The following ZC3H13 variants were observed in gnomAD, a reference collection of about 807,000 sequenced individuals.
ZC3H13 encodes the protein zinc finger CCCH domain-containing protein 13.
ZC3H13 carries 64 observed loss-of-function variants against 204.1 expected under a neutral mutation model. That is an observed-to-expected ratio of 0.31 (90% CI 0.26 to 0.39). ZC3H13 has a LOEUF of 0.39. Among genes scored for constraint, ZC3H13 ranks in the 10% least tolerant of loss-of-function variants. The probability of loss-of-function intolerance (pLI) is 1.00; values close to 1 mark genes in which losing one functional copy is unlikely to be tolerated. For missense variants in ZC3H13, 1,833 were observed against 2,082.7 expected (o/e 0.88, Z 2.33); for synonymous variants, 667 against 693.7 (o/e 0.96, Z 0.60).
In ZC3H13 at chr13:45,969,305, T is replaced by C; in HGVS notation, c.3239A>G (p.Glu1080Gly). The change falls in exon 14 of 19, where the codon GAA (glutamate) becomes GGA (glycine). Residue 1080 changes from glutamate to glycine, a missense_variant. Physicochemically the swap from Glu to Gly is moderately conservative, Grantham distance 98 (BLOSUM62 -2). Coordinates refer to ENST00000679008, the MANE Select transcript of ZC3H13 (RefSeq NM_001330564.2). ...EDVPDRTEVTEAEHTATATTP... is the reference protein window; with the variant it reads ...EDVPDRTEVTGAEHTATATTP... ...CGTGGCGGTGGCAGTATGCTCTGCTTCTGTCACCTCTGTACGGTCAGGGAC... is the reference window on the plus strand; with the variant it reads ...CGTGGCGGTGGCAGTATGCTCTGCTCCTGTCACCTCTGTACGGTCAGGGAC... 6.2e-7 allele frequency: 1 copy of C among 1,613,914 alleles called. No homozygotes were observed. Among genetic ancestry groups the C allele is most frequent in the Non-Finnish European group, 8.5e-7 (1 of 1,179,988 alleles).
At chr13:46,052,325 G>A (rs80301570) in intron 1 of ZC3H13, 79 bp downstream of exon 1, 12 of 390,410 alleles carry the variant, frequency 3.1e-5, no homozygotes, top group African/African-American at 6.2e-5. Context: ...AAAGACGGGG[G>A]GGGGTAACCC....
At chr13:46,015,658 A>C (rs1316355654) in intron 5 of ZC3H13, among the ~76,000 whole-genome samples, 1 of 152,162 alleles carries the variant, frequency 6.6e-6, no homozygotes, top group Non-Finnish European at 1.5e-5. Flanking sequence ...AAGTTTAAGG[A>C]ACCAAATAAA....
At chr13:45,989,193 A>G in intron 8 of ZC3H13, 96 bp from the exon 9 acceptor site, 2 of 1,180,436 alleles carry the variant, frequency 1.7e-6, no homozygotes, top group Non-Finnish European at 2.4e-6. Context: ...ATATGAAAGT[A>G]TAGACAATAA....
At chr13:46,007,068 A>G (rs1204766776) in intron 7 of ZC3H13, among the ~76,000 whole-genome samples, 3 of 152,132 alleles carry the variant, frequency 2.0e-5, no homozygotes, top group Non-Finnish European at 4.4e-5. Flanking sequence ...TATCAAAATT[A>G]TCTTTTAAAA....
intron 4 of ZC3H13, among the ~76,000 whole-genome samples, chr13:46,022,943 TG>T (rs1374200872): frequency 6.6e-6 from 1 of 152,178 alleles, no homozygotes; most frequent in African/African-American, 2.4e-5. Context: ...ATTTCAGAAA[TG>T]TAATACATGA....
At chr13:45,961,740 GGATTGT>G (rs1010496260) in intron 17 of ZC3H13, among the ~76,000 whole-genome samples, 1 of 151,924 alleles carries the variant, frequency 6.6e-6, no homozygotes, top group African/African-American at 2.4e-5. Context: ...AACAGTAATT[GGATTGT>G]AATACAGAGG....
intron 11 of ZC3H13, among the ~76,000 whole-genome samples, chr13:45,979,105 CAGCCAAGGTT>C (rs1315769027): frequency 6.6e-6 from 1 of 152,060 alleles, no homozygotes; most frequent in Non-Finnish European, 1.5e-5. Flanking sequence ...AACCTTACTT[CAGCCAAGGTT>C]AGTAAGACCT....
chr13:45,969,054 G>A lies in ZC3H13; in HGVS notation c.3490C>T (p.Arg1164Ter). 1 of 1,614,118 alleles carries A rather than the reference G, an allele frequency of 6.2e-7. No individual in the cohort carries two copies. The highest frequency in any genetic ancestry group is 8.5e-7 in the Non-Finnish European group (1 of 1,180,014). The change falls in exon 14 of 19, where the codon CGA becomes TGA. Residue 1164 changes from arginine to a stop codon, truncating the protein, a stop_gained. Coordinates refer to ENST00000679008, the MANE Select transcript of ZC3H13 (RefSeq NM_001330564.2). LOFTEE classifies it high-confidence loss of function. ...EDSHRKCHRT[R>*]VEKVETPHVT... ...TGAGGCGTCTCTACTTTTTCTACTC[G>A]TGTTCTGTGGCATTTTCTGTGTGAG...
intron 4 of ZC3H13, among the ~76,000 whole-genome samples, chr13:46,034,989 C>A (rs1460610144): frequency 6.6e-6 from 1 of 152,054 alleles, no homozygotes; most frequent in Non-Finnish European, 1.5e-5. Flanking sequence ...GAAACAATAC[C>A]CCACTAGCAC....
intron 3 of ZC3H13, among the ~76,000 whole-genome samples, chr13:46,043,718 A>G (rs148621522): frequency 6.6e-6 from 1 of 152,104 alleles, no homozygotes; most frequent in Non-Finnish European, 1.5e-5. Flanking sequence ...ATCATACACA[A>G]AATAGCAAAA....
chr13:45,965,455 G>C (rs2137826730), intron 15 of ZC3H13, 23 bp from the exon 16 acceptor site: 1 of 1,608,630 alleles, frequency 6.2e-7, no homozygotes, highest in Non-Finnish European at 8.5e-7. Flanking sequence ...ATTAATTTCA[G>C]ATCAAAGACA....
intron 1 of ZC3H13, among the ~76,000 whole-genome samples, chr13:46,045,773 G>A (rs1382853386): frequency 1.3e-5 from 2 of 152,104 alleles, no homozygotes; most frequent in Non-Finnish European, 2.9e-5. Context: ...CAGAGTGAAC[G>A]AATATGATCC....
At chr13:45,985,903 C>A in intron 9 of ZC3H13, 142 bp from the exon 10 acceptor site, 1 of 767,710 alleles carries the variant, frequency 1.3e-6, no homozygotes, top group Non-Finnish European at 2.0e-6. Context: ...GCTAAAATTC[C>A]AAAGATAATT....
At position 46,032,806 on chromosome 13, in the gene ZC3H13, G is replaced by A. The variant is rs148750026; in HGVS notation, c.339+9358C>T. Among the ~76,000 whole-genome samples the A allele has an allele frequency of 6.1e-4, 93 of 152,158 alleles. 1 individual carries two copies. The highest frequency in any genetic ancestry group is 2.0e-3 in the African/African-American group (84 of 41,538). On this transcript the variant is annotated intron_variant, in intron 4 of 18. Coordinates refer to ENST00000679008, the MANE Select transcript of ZC3H13 (RefSeq NM_001330564.2). ...ATACAATCATACAATGAAATACTAT[G>A]TAACTATAAAAAAGCTTAAGATATA... is the stretch of plus-strand genomic sequence containing the variant.
intron 1 of ZC3H13, among the ~76,000 whole-genome samples, chr13:46,046,952 T>A (rs2044012774): frequency 6.6e-6 from 1 of 152,108 alleles, no homozygotes; most frequent in African/African-American, 2.4e-5. Context: ...AAACTAAATA[T>A]TAGTTGAAAT....
chr13:45,962,558 G>A, intron 17 of ZC3H13: 1 of 984,904 alleles, frequency 1.0e-6, no homozygotes, highest in Non-Finnish European at 1.2e-6. Context: ...ACTAAGTCTT[G>A]GGTCATTTTT....
intron 5 of ZC3H13, among the ~76,000 whole-genome samples, chr13:46,017,088 G>C (rs1451887356): frequency 1.3e-5 from 2 of 152,132 alleles, no homozygotes; most frequent in Non-Finnish European, 2.9e-5. Flanking sequence ...GAGAGCTCCA[G>C]ATTTTGGAGT....
intron 9 of ZC3H13, among the ~76,000 whole-genome samples, chr13:45,987,091 G>A (rs149372996): frequency 8.0e-4 from 121 of 152,190 alleles, no homozygotes; most frequent in African/African-American, 2.8e-3. Context: ...TTTTTCTCAT[G>A]ATGCGCCCAT....
At chr13:46,026,790 C>T (rs888055283) in intron 4 of ZC3H13, among the ~76,000 whole-genome samples, 1 of 152,044 alleles carries the variant, frequency 6.6e-6, no homozygotes, top group Admixed American at 6.6e-5. Context: ...TCATGAGATT[C>T]AGCTAAAGCA....
Sources: gnomAD v4.1 joint callset for allele counts (sites outside exome capture counted in the v4.1 genomes callset) on GRCh38, gnomAD v4.1.1 for gene constraint, MANE v1.5 for transcripts, NCBI Gene and HGNC (gene_info 2026-07-23, HGNC 2026-07-21) for gene names.